Variants in CRYBG2 observed in about 807,000 individuals in gnomAD.
The protein encoded by CRYBG2 is beta/gamma crystallin domain-containing protein 2.
CRYBG2 carries 106 observed loss-of-function variants against 153.4 expected under a neutral mutation model. The observed-to-expected ratio is 0.69, with a 90% CI of 0.59 to 0.81. CRYBG2 has a LOEUF of 0.81. CRYBG2 is among the 30% of genes least tolerant of loss of function. The pLI is 0.00. For synonymous variants in CRYBG2, 851 were observed against 877.8 expected, an observed-to-expected ratio of 0.97 and a Z score of 0.54; for missense variants, 1,996 against 2,112.0, an observed-to-expected ratio of 0.95 and a Z score of 1.08.
intron 15 of CRYBG2, among the ~76,000 whole-genome samples, chr1:26,330,579 C>T (rs2073987222): frequency 7.1e-6 from 1 of 141,098 alleles, no homozygotes; most frequent in Non-Finnish European, 1.5e-5. Flanking sequence ...TGTTCTGTCA[C>T]CCAGGCTGGA....
At position 26,336,249 on chromosome 1, in the gene CRYBG2, A is replaced by C. The variant is rs1443223560; in HGVS notation, c.4072-42T>G. On this transcript the variant is annotated intron_variant, in intron 13 of 19. Coordinates refer to ENST00000308182, the MANE Select transcript of CRYBG2 (RefSeq NM_001039775.4). This position sits in a 1 kb window ranked among gnomAD's most constrained non-coding sequence, Gnocchi z 4.9. ...GAGATGAGGGGAAGGAGGACGATGG[A>C]GTGGGGCCGAGAACAGCGGGGAGGG... 1 of 1,585,200 alleles carries C rather than the reference A, an allele frequency of 6.3e-7. No homozygotes were observed. The highest frequency in any genetic ancestry group is 1.8e-5 in the Admixed American group (1 of 56,336).
intron 1 of CRYBG2, among the ~76,000 whole-genome samples, chr1:26,349,395 G>T (rs1485520549): frequency 6.6e-6 from 1 of 152,002 alleles, no homozygotes; most frequent in Non-Finnish European, 1.5e-5. Flanking sequence ...TCACATCCAG[G>T]CATCCTCCCT....
In CRYBG2 at chr1:26,325,610, T is replaced by TACACACAC. The variant is rs56092779; in HGVS notation, c.4579-1308_4579-1301dup. On this transcript the variant is annotated intron_variant, in intron 17 of 19. Coordinates refer to ENST00000308182, the MANE Select transcript of CRYBG2 (RefSeq NM_001039775.4). The surrounding 1 kb of genome is among the most constrained non-coding windows in gnomAD (Gnocchi z 4.1). ...AAAAAAATGAATGCACTCCCACAGA[T>TACACACAC]ACACACACACACACACACACACACA... is the stretch of plus-strand genomic sequence containing the variant. Among the ~76,000 whole-genome samples the TACACACAC allele has an allele frequency of 4.6e-3, 688 of 149,040 alleles. 8 individuals carry two copies. Among genetic ancestry groups the TACACACAC allele is most frequent in the African/African-American group, 0.015 (601 of 40,386 alleles).
chr1:26,331,733 G>A, intron 14 of CRYBG2, 115 bp from the exon 15 acceptor site: 1 of 1,427,352 alleles, frequency 7.0e-7, no homozygotes, highest in Non-Finnish European at 9.5e-7. Flanking sequence ...CTGTCCCAGG[G>A]GAGGTGGGAT....
Position 26,331,499 on chromosome 1 carries a change from T to G in CRYBG2, c.4304A>C (p.Lys1435Thr), listed in dbSNP as rs1361956638. 1.2e-6 allele frequency: 2 copies of G among 1,613,702 alleles called. No homozygotes were observed. Among genetic ancestry groups the G allele is most frequent in the Non-Finnish European group, 1.7e-6 (2 of 1,179,832 alleles). Reference protein sequence around the residue: ...LASTVLGSLQKVSLHFSEPSI... With the variant: ...LASTVLGSLQTVSLHFSEPSI... ...GACATGGAAACTCACCAGGGATACCTTCTGGAGAGAGCCCAGGACTGTGGA... is the reference window on the plus strand; with the variant it reads ...GACATGGAAACTCACCAGGGATACCGTCTGGAGAGAGCCCAGGACTGTGGA... Residue 1435 changes from lysine to threonine, a missense_variant, in exon 15 of 20, where the codon AAG becomes ACG. Physicochemically the swap from Lys to Thr is moderately conservative, Grantham distance 78. Coordinates refer to ENST00000308182, the MANE Select transcript of CRYBG2 (RefSeq NM_001039775.4).
chr1:26,346,851 T>C lies in CRYBG2; in HGVS notation c.-55-139A>G. The C allele has an allele frequency of 1.7e-6, 1 of 571,936 alleles. No homozygotes were observed. 35.4% of individuals were successfully genotyped at this position (571,936 alleles called of 1,614,324 possible). On this transcript the variant is annotated intron_variant, in intron 1 of 19. Transcript: ENST00000308182. This position sits in a 1 kb window ranked among gnomAD's most constrained non-coding sequence, Gnocchi z 4.9. ...CTTTTTGGGCCATTGCTTTCTCATC[T>C]GTGAAATGGGCATGGTAGTCTCAGC... is the stretch of plus-strand genomic sequence containing the variant.
At chr1:26,324,449 T>C in intron 17 of CRYBG2, 139 bp from the exon 18 acceptor site, 1 of 883,766 alleles carries the variant, frequency 1.1e-6, no homozygotes, top group Non-Finnish European at 1.7e-6. Flanking sequence ...ACTCTATTTC[T>C]AAGTCACTGC....
Position 26,322,232 on chromosome 1 carries a change from G to A in CRYBG2, c.4829C>T (p.Thr1610Met), listed in dbSNP as rs745720493. 10 of 1,614,156 alleles carry A rather than the reference G, an allele frequency of 6.2e-6. No individual in the cohort carries two copies. Among genetic ancestry groups the A allele is most frequent in the Middle Eastern group, 1.7e-4 (1 of 6,060 alleles). The change falls in exon 19 of 20, where the codon ACG (threonine) becomes ATG (methionine). Residue 1610 changes from threonine (T) to methionine (M), a missense_variant. Transcript: ENST00000308182. The part of the protein sequence containing the change: ...LWAESRLPRQ[T>M]WSISESGHIC... ...GTGGCCCGATTCACTGATGCTCCAC[G>A]TCTGGCGCGGCAGGCGGCTCTCGGC...
In CRYBG2 at chr1:26,343,665, G is replaced by A. The variant is rs925373658; in HGVS notation, c.2913+80C>T. 17 of 1,412,828 alleles carry A rather than the reference G, an allele frequency of 1.2e-5. No homozygotes were observed. The African/African-American group carries it at 2.3e-4, about 19-fold the overall frequency. The allele number at this position is 1,412,828 out of a possible 1,614,324, so 87.5% of individuals were successfully genotyped here. A position where few individuals can be genotyped will look rare whatever the true frequency, so the allele number is the denominator to read the frequency against. On this transcript the variant is annotated intron_variant, in intron 2 of 19. Transcript: ENST00000308182. The surrounding 1 kb of genome is among the most constrained non-coding windows in gnomAD (Gnocchi z 4.1). ...CTCTGCCCCCAGACTCTGACTCCCA[G>A]CACCACTCTCTTCACACCACTCAAG...
intron 1 of CRYBG2, among the ~76,000 whole-genome samples, chr1:26,350,488 A>T (rs1412669740): frequency 6.6e-6 from 1 of 152,230 alleles, no homozygotes; most frequent in African/African-American, 2.4e-5. Context: ...TTAATAAATT[A>T]GATCATACCT....
chr1:26,342,897 G>A lies in CRYBG2; in HGVS notation c.3075-14C>T. On this transcript the variant is annotated splice_polypyrimidine_tract_variant and intron_variant, in intron 4 of 19. Coordinates refer to ENST00000308182, the MANE Select transcript of CRYBG2 (RefSeq NM_001039775.4). ...TACAGCACCCAGCTGTGGGCACAGA[G>A]ATTCCAGGATCACAGATGGGGAGGA... is the stretch of plus-strand genomic sequence containing the variant. 4 of 1,613,876 alleles carry A rather than the reference G, an allele frequency of 2.5e-6. No individual in the cohort carries two copies. Among genetic ancestry groups the A allele is most frequent in the Non-Finnish European group, 3.4e-6 (4 of 1,179,902 alleles).
Position 26,344,464 on chromosome 1 carries a change from C to T in CRYBG2, c.2194G>A (p.Ala732Thr). Reference protein sequence around the residue: ...TPAPVPTGAEASTESQLVSDP... With the variant: ...TPAPVPTGAETSTESQLVSDP... The stretch of plus-strand genomic sequence containing the variant: ...GAGACAAGCTGGGACTCCGTGCTGG[C>T]CTCTGCTCCTGTTGGCACTGGGGCA... Residue 732 changes from alanine (A) to threonine (T), a missense_variant, in exon 2 of 20, where the codon GCC (alanine) becomes ACC (threonine). Ala to Thr is a moderately conservative substitution (Grantham distance 58). Transcript: ENST00000308182. 1.3e-6 allele frequency: 2 copies of T among 1,535,608 alleles called. No individual in the cohort carries two copies. The highest frequency in any genetic ancestry group is 1.8e-6 in the Non-Finnish European group (2 of 1,138,902).
Position 26,344,659 on chromosome 1 carries a change from C to T in CRYBG2, c.1999G>A (p.Gly667Ser). 2 of 1,534,648 alleles carry T rather than the reference C, an allele frequency of 1.3e-6. No homozygotes were observed. Among genetic ancestry groups the T allele is most frequent in the Non-Finnish European group, 1.7e-6 (2 of 1,145,970 alleles). ...AGTGAGGTGGCAGGAGCAATTGGGC[C>T]TTGAACAGTCTCTTCCTTGGTGAGG... is the stretch of plus-strand genomic sequence containing the variant. ...PPLTKEETVQGPIAPATSLPK... is the reference protein window; with the variant it reads ...PPLTKEETVQSPIAPATSLPK... The change falls in exon 2 of 20, where the codon GGC (glycine) becomes AGC (serine). Residue 667 changes from glycine (G) to serine (S), a missense_variant. Physicochemically the swap from Gly to Ser is moderately conservative, Grantham distance 56. Transcript: ENST00000308182.
chr1:26,336,338 C>G lies in CRYBG2; in HGVS notation c.4071G>C (p.Lys1357Asn). The G allele has an allele frequency of 6.2e-7, 1 of 1,613,616 alleles. No homozygotes were observed. Among genetic ancestry groups the G allele is most frequent in the Non-Finnish European group, 8.5e-7 (1 of 1,179,776 alleles). ...VGEHDLHFVS[K>N]IQLFSRPDFL... The stretch of plus-strand genomic sequence containing the variant: ...GCTCCCTGCGGAGTCCCTGCCTTAC[C>G]TTTGAGACGAAGTGCAGATCGTGCT... Residue 1357 changes from lysine (K) to asparagine (N), a missense_variant and splice_region_variant, in exon 13 of 20, where the codon AAG becomes AAC. Coordinates refer to ENST00000308182, the MANE Select transcript of CRYBG2 (RefSeq NM_001039775.4). The surrounding 1 kb of genome is among the most constrained non-coding windows in gnomAD (Gnocchi z 4.9).
chr1:26,338,042 G>A lies in CRYBG2; in HGVS notation c.3477C>T (p.Cys1159=). The A allele has an allele frequency of 6.2e-7, 1 of 1,612,836 alleles. No individual in the cohort carries two copies. Among genetic ancestry groups the A allele is most frequent in the Non-Finnish European group, 8.5e-7 (1 of 1,179,554 alleles). Residue 1159 remains cysteine (C), a synonymous_variant, in exon 8 of 20, where the codon TGC becomes TGT. Coordinates refer to ENST00000308182, the MANE Select transcript of CRYBG2 (RefSeq NM_001039775.4). The part of the protein sequence containing the change: ...VGSLKPMRLG[C]PSVEKPGEPR... The stretch of plus-strand genomic sequence containing the variant: ...GCTCCCCTGGCTTCTCCACACTTGG[G>A]CAGCCCTGCAGAGGAGACAGAGCTG...
At position 26,336,369 on chromosome 1, in the gene CRYBG2, AC is replaced by A. The variant is rs1000987861; in HGVS notation, c.4039del (p.Val1347SerfsTer164). 1.2e-6 allele frequency: 2 copies of A among 1,613,072 alleles called. No individual in the cohort carries two copies. Among genetic ancestry groups the A allele is most frequent in the African/African-American group, 2.7e-5 (2 of 74,854 alleles). ...TLASLQPVLQ[V>X]GEHDLHFVSK... ...GACGAAGTGCAGATCGTGCTCCCCG[AC>A]CTGAAGGTAGGGACCGAATCGAGAA... On this transcript the variant is annotated frameshift_variant and splice_region_variant, in exon 13 of 20. Transcript: ENST00000308182. LOFTEE classifies it high-confidence loss of function. This position sits in a 1 kb window ranked among gnomAD's most constrained non-coding sequence, Gnocchi z 4.9.
chr1:26,343,409 C>T lies in CRYBG2; in HGVS notation c.2914-116G>A, dbSNP rs945349657. The T allele has an allele frequency of 1.6e-6, 2 of 1,253,160 alleles. No homozygotes were observed. The highest frequency in any genetic ancestry group is 3.0e-5 in the African/African-American group (2 of 67,244). The allele number at this position is 1,253,160 out of a possible 1,614,324, so 77.6% of individuals were successfully genotyped here. ...CCTATTAACCTCCACCCGCAAGGAGCTGGCGCATAGAGGATGCTCACACTT... is the reference window on the plus strand; with the variant it reads ...CCTATTAACCTCCACCCGCAAGGAGTTGGCGCATAGAGGATGCTCACACTT... On this transcript the variant is annotated intron_variant, in intron 2 of 19. Coordinates refer to ENST00000308182, the MANE Select transcript of CRYBG2 (RefSeq NM_001039775.4). The surrounding 1 kb of genome is among the most constrained non-coding windows in gnomAD (Gnocchi z 4.1).
At chr1:26,353,642 C>G (rs756805129) in intron 1 of CRYBG2, among the ~76,000 whole-genome samples, 2 of 152,192 alleles carry the variant, frequency 1.3e-5, no homozygotes, top group Non-Finnish European at 2.9e-5. Context: ...ATCCTCTCAA[C>G]AACTCAAGGC....
At chr1:26,347,284 GTTTTTTTTT>G (rs1198055868) in intron 1 of CRYBG2, among the ~76,000 whole-genome samples, 4 of 73,876 alleles carry the variant, frequency 5.4e-5, no homozygotes, top group Non-Finnish European at 9.6e-5. Flanking sequence ...CTCCCCCTGC[GTTTTTTTTT>G]TTTTTTTTTT....
Sources: gnomAD v4.1 joint callset for allele counts (sites outside exome capture counted in the v4.1 genomes callset) on GRCh38, gnomAD v4.1.1 for gene constraint, Gnocchi (gnomAD v3.1) non-coding constraint, MANE v1.5 for transcripts, NCBI Gene and HGNC (gene_info 2026-07-23, HGNC 2026-07-21) for gene names.